KIF5B: variants seen among roughly 807,000 people sequenced by gnomAD.
KIF5B encodes kinesin family member 5B.
KIF5B carries 49 observed loss-of-function variants against 132.8 expected under a neutral mutation model. That is an observed-to-expected ratio of 0.37 (90% CI 0.29 to 0.47). KIF5B has a LOEUF of 0.47. Ranked by LOEUF, KIF5B falls within the 20% of genes least tolerant of loss-of-function variation. KIF5B has a pLI of 1.00. For missense variants in KIF5B, 780 were observed against 1,144.0 expected, an observed-to-expected ratio of 0.68 and a Z score of 4.59; for synonymous variants, 355 against 369.4, an observed-to-expected ratio of 0.96 and a Z score of 0.45.
In KIF5B at chr10:32,017,188, C is replaced by T. The variant is rs2132579272; in HGVS notation, c.2716G>A (p.Val906Ile). 1 of 1,614,248 alleles carries T rather than the reference C, an allele frequency of 6.2e-7. No individual in the cohort carries two copies. Among genetic ancestry groups the T allele is most frequent in the African/African-American group, 1.3e-5 (1 of 75,064 alleles). ...CTTCTGGCCATATTCTTTGACCTGACTGCTTCCTTTATGCGATCTACTTCT... is the reference window on the plus strand; with the variant it reads ...CTTCTGGCCATATTCTTTGACCTGATTGCTTCCTTTATGCGATCTACTTCT... ...QQEVDRIKEA[V>I]RSKNMARRGH... is the part of the protein sequence containing the mutation. Residue 906 changes from valine to isoleucine, a missense_variant, in exon 24 of 26, where the codon GTC (valine) becomes ATC (isoleucine). Val to Ile is a conservative substitution (Grantham distance 29, BLOSUM62 3). This residue lies in a region of KIF5B where 90 missense variants were observed against 101.8 expected (regional missense o/e 0.88). Coordinates refer to ENST00000302418, the MANE Select transcript of KIF5B (RefSeq NM_004521.3).
chr10:32,044,639 GC>G (rs1841586065), intron 2 of KIF5B, among the ~76,000 whole-genome samples: 1 of 151,860 alleles, frequency 6.6e-6, no homozygotes, highest in Non-Finnish European at 1.5e-5. Context: ...TGGCGCCACT[GC>G]AGTCCAGCCT....
rs1841210844 is a variant in KIF5B at position 32,018,550 on chromosome 10, A to G, written c.2319T>C (p.Asp773=). The G allele has an allele frequency of 2.5e-6, 4 of 1,612,692 alleles. No homozygotes were observed. The highest frequency in any genetic ancestry group is 3.4e-6 in the Non-Finnish European group (4 of 1,179,122). ...RKLHELTVMQ[D]RREQARQDLK... ...AGTCTTGTCTTGCTTGTTCTCGTCTATCTTGCATAACCCTAACAGTAGAAG... is the reference window on the plus strand; with the variant it reads ...AGTCTTGTCTTGCTTGTTCTCGTCTGTCTTGCATAACCCTAACAGTAGAAG... The change falls in exon 21 of 26, where the codon GAT becomes GAC. Residue 773 remains aspartate (D), a synonymous_variant. Coordinates refer to ENST00000302418, the MANE Select transcript of KIF5B (RefSeq NM_004521.3).
At chr10:32,015,692 A>T in intron 24 of KIF5B, 33 bp from the exon 25 acceptor site, 1 of 1,571,796 alleles carries the variant, frequency 6.4e-7, no homozygotes, top group East Asian at 2.3e-5. Flanking sequence ...ACTTTAGAAT[A>T]AAGTTTAAGA....
At chr10:32,015,843 C>G (rs1841151859) in intron 24 of KIF5B, among the ~76,000 whole-genome samples, 184 bp from the exon 25 acceptor site, 1 of 152,030 alleles carries the variant, frequency 6.6e-6, no homozygotes, top group Non-Finnish European at 1.5e-5. Flanking sequence ...CAATTCTTAG[C>G]CTTTAAAAAT....
chr10:32,020,830 AT>A (rs1245787879), intron 19 of KIF5B, among the ~76,000 whole-genome samples, 191 bp downstream of exon 19: 2 of 152,218 alleles, frequency 1.3e-5, no homozygotes, highest in Non-Finnish European at 2.9e-5. Context: ...AATAATTTAG[AT>A]CAAAAGACCT....
intron 15 of KIF5B, among the ~76,000 whole-genome samples, chr10:32,024,410 TC>T (rs1841308279): frequency 6.7e-6 from 1 of 148,206 alleles, no homozygotes; most frequent in Non-Finnish European, 1.5e-5. Flanking sequence ...CGCCTCGGCC[TC>T]CCAAAGTGCT....
intron 25 of KIF5B, among the ~76,000 whole-genome samples, chr10:32,014,812 C>A (rs1206095587): frequency 1.3e-5 from 2 of 152,282 alleles, no homozygotes; most frequent in East Asian, 3.9e-4. Flanking sequence ...TAATCTCTAA[C>A]AGGTTAGGGA....
At chr10:32,026,346 G>A (rs1452181136) in intron 15 of KIF5B, among the ~76,000 whole-genome samples, 4 of 144,558 alleles carry the variant, frequency 2.8e-5, no homozygotes, top group Non-Finnish European at 6.0e-5. Flanking sequence ...GCCGAGGTGG[G>A]AGAATGGCAT....
At chr10:32,037,105 A>C in intron 8 of KIF5B, 149 bp downstream of exon 8, 1 of 659,002 alleles carries the variant, frequency 1.5e-6, no homozygotes, top group Non-Finnish European at 2.6e-6. Flanking sequence ...TGATATCATC[A>C]TAAGGCACTG....
chr10:32,015,683 CT>C, intron 24 of KIF5B, 24 bp from the exon 25 acceptor site: 1 of 1,589,852 alleles, frequency 6.3e-7, no homozygotes, highest in Non-Finnish European at 8.6e-7. Flanking sequence ...TAAAGACAGA[CT>C]TTAGAATAAA....
intron 4 of KIF5B, 65 bp from the exon 5 acceptor site, chr10:32,038,891 T>A: frequency 1.0e-6 from 1 of 971,588 alleles, no homozygotes; most frequent in Admixed American, 2.2e-5. Flanking sequence ...CATATTGAGG[T>A]CTGAGTGCTA....
intron 8 of KIF5B, among the ~76,000 whole-genome samples, chr10:32,036,551 C>T (rs915185231): frequency 6.6e-6 from 1 of 152,048 alleles, no homozygotes; most frequent in South Asian, 2.1e-4. Flanking sequence ...TCCCCAGTAG[C>T]TGGTATTACG....
chr10:32,025,516 T>C (rs1331258621), intron 15 of KIF5B, among the ~76,000 whole-genome samples: 4 of 152,172 alleles, frequency 2.6e-5, no homozygotes, highest in East Asian at 1.9e-4. Context: ...GCTGGGACTA[T>C]AGGCGTGCAC....
At chr10:32,018,444 T>G in intron 21 of KIF5B, 57 bp from the exon 22 acceptor site, 1 of 1,590,702 alleles carries the variant, frequency 6.3e-7, no homozygotes, top group Non-Finnish European at 8.5e-7. Context: ...AGAATAATCA[T>G]GGTAGAAAAA....
intron 13 of KIF5B, among the ~76,000 whole-genome samples, chr10:32,031,746 C>G (rs1841404848): frequency 6.6e-6 from 1 of 150,744 alleles, no homozygotes; most frequent in Non-Finnish European, 1.5e-5. Flanking sequence ...CGCCTGTAAT[C>G]CCAGCATTTT....
chr10:32,043,515 A>T (rs546230729), intron 2 of KIF5B, among the ~76,000 whole-genome samples: 3 of 152,286 alleles, frequency 2.0e-5, no homozygotes, highest in Admixed American at 2.0e-4. Context: ...ATCTGGAAAA[A>T]CCAAAGGTGA....
intron 7 of KIF5B, 65 bp from the exon 8 acceptor site, chr10:32,037,443 C>T: frequency 6.3e-7 from 1 of 1,596,324 alleles, no homozygotes. Flanking sequence ...TTCCCTGAAG[C>T]AATCTTATAA....
intron 14 of KIF5B, among the ~76,000 whole-genome samples, chr10:32,030,254 C>T (rs1402333878): frequency 1.3e-5 from 2 of 152,138 alleles, no homozygotes; most frequent in Non-Finnish European, 2.9e-5. Context: ...CGGTGGCTCA[C>T]GCCTGTAATC....
chr10:32,048,841 T>C (rs1172023234), intron 1 of KIF5B, among the ~76,000 whole-genome samples: 1 of 152,168 alleles, frequency 6.6e-6, no homozygotes, highest in Non-Finnish European at 1.5e-5. Flanking sequence ...AGCCAAATAT[T>C]GCTGAGTGAT....
Sources: allele counts gnomAD v4.1 joint callset (sites outside exome capture counted in the v4.1 genomes callset), GRCh38; gene constraint gnomAD v4.1.1; regional missense constraint gnomAD v4.1.1; transcripts MANE v1.5; gene names NCBI Gene and HGNC (gene_info 2026-07-23, HGNC 2026-07-21).